The following CIITA variants were observed in gnomAD, a reference collection of about 807,000 sequenced individuals.
The protein encoded by CIITA is MHC class II transactivator.
A neutral mutation model predicts 115.1 loss-of-function variants in CIITA; 72 were observed. The observed-to-expected ratio is 0.63, with a 90% CI of 0.52 to 0.76. The LOEUF (loss-of-function observed/expected upper bound fraction) is 0.76, where lower values mean the gene tolerates loss of function less well. CIITA is among the 30% of genes least tolerant of loss of function. CIITA has a pLI of 0.00. For missense variants in CIITA, 1,617 were observed against 1,463.8 expected (o/e 1.10, Z -1.71); for synonymous variants, 763 against 635.6 (o/e 1.20, Z -3.02).
chr16:10,871,508 G>A (rs898655272), intron 1 of CIITA, among the ~76,000 whole-genome samples: 3 of 152,168 alleles, frequency 2.0e-5, no homozygotes, highest in African/African-American at 7.2e-5. Context: ...TGCCCATGAG[G>A]TCTCAGTTCT....
intron 11 of CIITA, 73 bp from the exon 12 acceptor site, chr16:10,908,956 C>T: frequency 6.2e-7 from 1 of 1,608,582 alleles, no homozygotes; most frequent in Non-Finnish European, 8.5e-7. Flanking sequence ...GTAGGAGGAC[C>T]CTTCATGGAG....
intron 11 of CIITA, chr16:10,908,504 C>A (rs1230640047): frequency 6.9e-6 from 3 of 435,776 alleles, no homozygotes; most frequent in Non-Finnish European, 8.5e-6. Context: ...GCCATGGCCT[C>A]CCCTTGGACT....
At chr16:10,895,145 T>C in intron 1 of CIITA, 137 bp from the exon 2 acceptor site, 1 of 947,712 alleles carries the variant, frequency 1.1e-6, no homozygotes, top group Non-Finnish European at 1.7e-6. Context: ...ACGCTGAGCA[T>C]ATAAGAGGTG....
chr16:10,873,133 C>G (rs1003940360), upstream of CIITA, among the ~76,000 whole-genome samples: 1 of 152,052 alleles, frequency 6.6e-6, no homozygotes, highest in South Asian at 2.1e-4. Context: ...CCACTATGCC[C>G]GGCTAATTTT....
Position 10,879,410 on chromosome 16 carries a change from C to A in CIITA, c.52+2028C>A, listed in dbSNP as rs1424308805. On this transcript the variant is annotated intron_variant, in intron 1 of 19. Transcript: ENST00000324288. This position sits in a 1 kb window ranked among gnomAD's most constrained non-coding sequence, Gnocchi z 4.3. The stretch of plus-strand genomic sequence containing the variant: ...GCGCCCGGGATCCTGCAGAGGTGCG[C>A]GCCCTTCTTGTACGCCAGACTTTGG... 6.6e-6 allele frequency among the ~76,000 whole-genome samples: 1 copy of A among 152,200 alleles called. No homozygotes were observed. Among genetic ancestry groups the A allele is most frequent in the African/African-American group, 2.4e-5 (1 of 41,446 alleles).
At chr16:10,892,193 G>A (rs867124147) in intron 1 of CIITA, among the ~76,000 whole-genome samples, 1 of 152,056 alleles carries the variant, frequency 6.6e-6, no homozygotes, top group South Asian at 2.1e-4. Context: ...GCATGGTGGC[G>A]GGTGCCTGTA....
Position 10,931,660 on chromosome 16 carries a change from A to G in CIITA, c.*7805A>G, listed in dbSNP as rs1325635151. 1 of 152,220 alleles carries G rather than the reference A, an allele frequency of 6.6e-6. No homozygotes were observed. Among genetic ancestry groups the G allele is most frequent in the Non-Finnish European group, 1.5e-5 (1 of 68,042 alleles). The allele number at this position is 152,220 out of a possible 1,614,324, so 9.4% of individuals were successfully genotyped here. A position where few individuals can be genotyped will look rare whatever the true frequency, so the allele number is the denominator to read the frequency against. Reference sequence around the variant, plus strand: ...GGAGTTTGAGACCAGCCTGGCCAACATGGCGAAATGAGGTCAAGACTAGCC... The same window carrying G: ...GGAGTTTGAGACCAGCCTGGCCAACGTGGCGAAATGAGGTCAAGACTAGCC... On this transcript the variant is annotated 3_prime_UTR_variant, in exon 20 of 20. Transcript: ENST00000324288.
At chr16:10,887,696 T>C (rs1380776278) in intron 1 of CIITA, among the ~76,000 whole-genome samples, 5 of 152,186 alleles carry the variant, frequency 3.3e-5, no homozygotes, top group African/African-American at 1.2e-4. Flanking sequence ...GGTTTCACCA[T>C]GCTGGTCAGG....
At chr16:10,892,049 T>C (rs1352486211) in intron 1 of CIITA, among the ~76,000 whole-genome samples, 1 of 151,890 alleles carries the variant, frequency 6.6e-6, no homozygotes, top group Non-Finnish European at 1.5e-5. Context: ...CTGGGCCGGG[T>C]GTGGTGGCTC....
intron 9 of CIITA, among the ~76,000 whole-genome samples, chr16:10,904,304 C>G (rs1172411186): frequency 5.3e-5 from 8 of 152,146 alleles, no homozygotes; most frequent in African/African-American, 1.7e-4. Context: ...TCACTGCAAC[C>G]TCCGCCCTAC....
At chr16:10,909,430 C>G (rs2039406056) in intron 12 of CIITA, among the ~76,000 whole-genome samples, 1 of 152,206 alleles carries the variant, frequency 6.6e-6, no homozygotes, top group Admixed American at 6.5e-5. Flanking sequence ...TTAGCTAAAG[C>G]CATGGAGAAC....
chr16:10,917,146 G>A (rs1350084381), intron 15 of CIITA: 1 of 192,086 alleles, frequency 5.2e-6, no homozygotes, highest in African/African-American at 2.3e-5. Flanking sequence ...TGGGAAGTTG[G>A]AGATGGATAA....
At chr16:10,906,020 C>A (rs1034909847) in intron 10 of CIITA, among the ~76,000 whole-genome samples, 1 of 152,024 alleles carries the variant, frequency 6.6e-6, no homozygotes, top group Non-Finnish European at 1.5e-5. Flanking sequence ...GAACTTATCT[C>A]CACAAAAAAA....
Position 10,902,678 on chromosome 16 carries a change from T to C in CIITA, c.649T>C (p.Leu217=), listed in dbSNP as rs773897183. ...TGCAGTGCCTTTCTCCAGTTCCTCG[T>C]TGAGCTGCCTGAATCTCCCTGAGGG... ...QIPMPFSSSS[L]SCLNLPEGPI... is the part of the protein sequence containing the mutation. The change falls in exon 8 of 20, where the codon TTG becomes CTG. Residue 217 remains leucine, a synonymous_variant. Transcript: ENST00000324288. 5 of 1,614,248 alleles carry C rather than the reference T, an allele frequency of 3.1e-6. No homozygotes were observed. The highest frequency in any genetic ancestry group is 2.2e-5 in the South Asian group (2 of 91,088).
rs894234908 is a variant in CIITA at position 10,935,160 on chromosome 16, G to A, written c.*11305G>A. 1 of 152,266 alleles carries A rather than the reference G, an allele frequency of 6.6e-6. No homozygotes were observed. The highest frequency in any genetic ancestry group is 1.9e-4 in the East Asian group (1 of 5,208). 9.4% of individuals were successfully genotyped at this position (152,266 alleles called of 1,614,324 possible). Reference sequence around the variant, plus strand: ...GGAGATGAAGTCTGAGGTGTTGGTGGAGCTGGGATTTAAACCAAAATATGT... The same window carrying A: ...GGAGATGAAGTCTGAGGTGTTGGTGAAGCTGGGATTTAAACCAAAATATGT... On this transcript the variant is annotated 3_prime_UTR_variant, in exon 20 of 20. Transcript: ENST00000324288.
At chr16:10,917,765 C>G (rs1330666737) in intron 15 of CIITA, among the ~76,000 whole-genome samples, 5 of 152,192 alleles carry the variant, frequency 3.3e-5, no homozygotes, top group Non-Finnish European at 5.9e-5. Flanking sequence ...CCGGCATGAG[C>G]CACCACGCCC....
chr16:10,919,322 G>A (rs7203788), intron 16 of CIITA, among the ~76,000 whole-genome samples: 1 of 151,952 alleles, frequency 6.6e-6, no homozygotes, highest in East Asian at 1.9e-4. Context: ...TCAGTGCTCC[G>A]AGTAGCTGGG....
intron 13 of CIITA, among the ~76,000 whole-genome samples, chr16:10,912,794 G>C (rs967114020): frequency 6.6e-6 from 1 of 152,240 alleles, no homozygotes. Context: ...AGCGGCCATG[G>C]GGTGGAACAG....
upstream of CIITA, among the ~76,000 whole-genome samples, chr16:10,876,664 T>C (rs530756837): frequency 1.5e-4 from 23 of 152,210 alleles, no homozygotes; most frequent in Non-Finnish European, 3.1e-4. Context: ...GGGTACCATA[T>C]TTGGGTTAAC....
Sources: allele counts gnomAD v4.1 joint callset (sites outside exome capture counted in the v4.1 genomes callset), GRCh38; gene constraint gnomAD v4.1.1; non-coding constraint Gnocchi (gnomAD v3.1); transcripts MANE v1.5; gene names NCBI Gene and HGNC (gene_info 2026-07-23, HGNC 2026-07-21).